Variants in GRIP1 observed in about 807,000 individuals in gnomAD.
GRIP1 encodes the protein glutamate receptor interacting protein 1.
In GRIP1, 45 loss-of-function variants were observed where a neutral mutation model predicts 129.9. The observed-to-expected ratio is 0.35, with a 90% CI of 0.27 to 0.44. The LOEUF is 0.44. GRIP1 is among the 20% of genes least tolerant of loss of function. The pLI, the probability that GRIP1 is intolerant of heterozygous loss-of-function variation, is 1.00. For missense variants in GRIP1, 1,196 were observed against 1,396.8 expected, an observed-to-expected ratio of 0.86 and a Z score of 2.29; for synonymous variants, 530 against 520.8, an observed-to-expected ratio of 1.02 and a Z score of -0.24.
At chr12:66,796,849 A>G (rs1188301136) in intron 1 of GRIP1, among the ~76,000 whole-genome samples, 2 of 152,200 alleles carry the variant, frequency 1.3e-5, no homozygotes, top group Admixed American at 6.5e-5. Flanking sequence ...ATTATTAATT[A>G]TGAATAACTT....
chr12:66,689,703 C>T (rs2034909851), intron 1 of GRIP1, among the ~76,000 whole-genome samples: 1 of 151,902 alleles, frequency 6.6e-6, no homozygotes, highest in African/African-American at 2.4e-5. Flanking sequence ...TACTCTCTTA[C>T]CAAATTTCAA....
intron 7 of GRIP1, among the ~76,000 whole-genome samples, chr12:66,513,449 C>T (rs1840332216): frequency 1.3e-5 from 2 of 151,442 alleles, no homozygotes; most frequent in Non-Finnish European, 1.5e-5. Flanking sequence ...AAAGCTTCCC[C>T]TCCAAGATCA....
intron 1 of GRIP1, among the ~76,000 whole-genome samples, chr12:66,971,521 T>C (rs543182797): frequency 7.9e-5 from 12 of 152,274 alleles, no homozygotes; most frequent in African/African-American, 2.9e-4. Flanking sequence ...CCTATTATGG[T>C]GCTAAGACAC....
At chr12:66,373,467 C>T (rs1048811262) in intron 22 of GRIP1, among the ~76,000 whole-genome samples, 5 of 152,102 alleles carry the variant, frequency 3.3e-5, no homozygotes, top group African/African-American at 9.7e-5. Flanking sequence ...GTAAATGAGC[C>T]GAGGGCACTT....
intron 2 of GRIP1, among the ~76,000 whole-genome samples, chr12:66,588,567 T>A (rs992210269): frequency 3.3e-5 from 5 of 152,166 alleles, no homozygotes; most frequent in African/African-American, 1.2e-4. Context: ...ACCTTTTCCC[T>A]TCCCTCACTA....
chr12:66,441,997 C>T (rs1218747128), intron 13 of GRIP1, among the ~76,000 whole-genome samples: 2 of 152,170 alleles, frequency 1.3e-5, no homozygotes, highest in Non-Finnish European at 2.9e-5. Flanking sequence ...CCAGCACTAC[C>T]ACTGTGTCAA....
intron 1 of GRIP1, among the ~76,000 whole-genome samples, chr12:66,824,810 G>T (rs918253582): frequency 7.3e-5 from 11 of 151,536 alleles, no homozygotes; most frequent in Non-Finnish European, 1.6e-4. Context: ...TTTAAGAGGG[G>T]GCATAATTTT....
intron 1 of GRIP1, among the ~76,000 whole-genome samples, chr12:66,702,946 T>TA (rs1197632387): frequency 6.6e-6 from 1 of 152,198 alleles, no homozygotes; most frequent in Non-Finnish European, 1.5e-5. Context: ...AAAGCAAGCA[T>TA]ATGTATTGTG....
At chr12:66,899,136 C>T (rs1268117618) in intron 1 of GRIP1, among the ~76,000 whole-genome samples, 1 of 152,144 alleles carries the variant, frequency 6.6e-6, no homozygotes, top group Non-Finnish European at 1.5e-5. Flanking sequence ...TCTTGGATCA[C>T]TCTTTTAATT....
chr12:66,979,228 A>AC (rs2042201761), intron 1 of GRIP1, among the ~76,000 whole-genome samples: 4 of 117,662 alleles, frequency 3.4e-5, no homozygotes, highest in Admixed American at 9.0e-5. Flanking sequence ...TTCTTAAAAA[A>AC]AAAAAAAAAA....
intron 1 of GRIP1, among the ~76,000 whole-genome samples, chr12:66,698,683 T>G (rs916898293): frequency 2.0e-5 from 3 of 152,166 alleles, no homozygotes; most frequent in Non-Finnish European, 2.9e-5. Flanking sequence ...TTGTTGGCTC[T>G]AGGGTGGTCC....
intron 1 of GRIP1, among the ~76,000 whole-genome samples, chr12:66,648,670 C>A (rs74985128): frequency 0.016 from 2,508 of 152,242 alleles, 60 homozygotes; most frequent in African/African-American, 0.057. Context: ...GAATGCACAG[C>A]GAGCAAGAAG....
At chr12:67,045,624 A>C (rs1375602954) in intron 1 of GRIP1, among the ~76,000 whole-genome samples, 2 of 152,208 alleles carry the variant, frequency 1.3e-5, no homozygotes, top group African/African-American at 4.8e-5. Context: ...TGTGAGACTT[A>C]ATGGGATTCT....
chr12:66,785,307 CAT>C (rs1337681764), intron 1 of GRIP1, among the ~76,000 whole-genome samples: 5 of 58,892 alleles, frequency 8.5e-5, no homozygotes, highest in African/African-American at 2.4e-4. Context: ...AAGAATTTAA[CAT>C]ACATACATAC....
chr12:66,988,057 G>A (rs1461574182), intron 1 of GRIP1, among the ~76,000 whole-genome samples: 2 of 152,134 alleles, frequency 1.3e-5, no homozygotes, highest in Admixed American at 1.3e-4. Flanking sequence ...CAGGATAAAA[G>A]AAACAAGTGA....
At chr12:66,604,187 T>A (rs2064405304) in intron 1 of GRIP1, among the ~76,000 whole-genome samples, 1 of 152,160 alleles carries the variant, frequency 6.6e-6, no homozygotes, top group Non-Finnish European at 1.5e-5. Flanking sequence ...CCCCGGAGCA[T>A]CTGGACAACC....
At chr12:66,891,254 G>C (rs1049420283) in intron 1 of GRIP1, among the ~76,000 whole-genome samples, 5 of 152,102 alleles carry the variant, frequency 3.3e-5, no homozygotes, top group Admixed American at 2.0e-4. Context: ...TTCATACAAG[G>C]CCTTGCATAG....
At chr12:66,760,055 T>C (rs1400080943) in intron 1 of GRIP1, among the ~76,000 whole-genome samples, 2 of 152,034 alleles carry the variant, frequency 1.3e-5, no homozygotes, top group Non-Finnish European at 2.9e-5. Context: ...GGGGTTTCAC[T>C]GTGTTAGCCA....
At position 66,455,489 on chromosome 12, in the gene GRIP1, A is replaced by G. The variant is rs1354695229; in HGVS notation, c.1274T>C (p.Leu425Pro). ...GCTGGTGGAGTAGAGGCTTCGAGGT[A>G]GAGTCCCCATGTTCAGGGAACTCAG... ...YSLSSLNMGT[L>P]PRSLYSTSPR... Residue 425 changes from leucine (L) to proline (P), a missense_variant, in exon 11 of 25, where the codon CTA becomes CCA. Coordinates refer to ENST00000359742, the MANE Select transcript of GRIP1 (RefSeq NM_001366722.1). 5 of 1,613,024 alleles carry G rather than the reference A, an allele frequency of 3.1e-6. No homozygotes were observed. Among genetic ancestry groups the G allele is most frequent in the Non-Finnish European group, 4.2e-6 (5 of 1,179,054 alleles).
Sources: gnomAD v4.1 joint callset for allele counts (sites outside exome capture counted in the v4.1 genomes callset) on GRCh38, gnomAD v4.1.1 for gene constraint, MANE v1.5 for transcripts, NCBI Gene and HGNC (gene_info 2026-07-23, HGNC 2026-07-21) for gene names.